The following NEXN variants were observed in gnomAD, a reference collection of about 807,000 sequenced individuals.
The protein encoded by NEXN is nexilin.
A neutral mutation model predicts 92.6 loss-of-function variants in NEXN; 65 were observed. The observed-to-expected ratio is 0.70, with a 90% CI of 0.57 to 0.86. The LOEUF (loss-of-function observed/expected upper bound fraction) is 0.86, where lower values mean the gene tolerates loss of function less well. NEXN is among the 40% of genes least tolerant of loss of function. NEXN has a pLI of 0.00. For missense variants in NEXN, 778 were observed against 771.1 expected, an observed-to-expected ratio of 1.01 and a Z score of -0.11; for synonymous variants, 254 against 242.5, an observed-to-expected ratio of 1.05 and a Z score of -0.44.
chr1:77,925,593 C>T (rs1223264336), intron 6 of NEXN, among the ~76,000 whole-genome samples: 1 of 152,140 alleles, frequency 6.6e-6, no homozygotes, highest in Non-Finnish European at 1.5e-5. Context: ...CTTCTTTCCT[C>T]AGAGTTCCTG....
chr1:77,912,455 G>A (rs1648664641), intron 1 of NEXN, among the ~76,000 whole-genome samples: 1 of 152,134 alleles, frequency 6.6e-6, no homozygotes, highest in Admixed American at 6.5e-5. Context: ...TGATTCTAAA[G>A]TTTATATGAA....
At chr1:77,917,050 G>A (rs1452479731) in intron 2 of NEXN, among the ~76,000 whole-genome samples, 1 of 152,168 alleles carries the variant, frequency 6.6e-6, no homozygotes, top group Admixed American at 6.6e-5. Flanking sequence ...AAGGACTAAA[G>A]GACTGGCCTT....
chr1:77,931,862 CCTGT>C (rs1650339997), intron 9 of NEXN: 1 of 152,136 alleles, frequency 6.6e-6, no homozygotes. Flanking sequence ...CTCTCATTCC[CCTGT>C]GTGTATTTCA....
Position 77,898,914 on chromosome 1 carries a change from T to A in NEXN, c.-53+10155T>A, listed in dbSNP as rs1405849057. On this transcript the variant is annotated intron_variant, in intron 1 of 12. Coordinates refer to ENST00000334785, the MANE Select transcript of NEXN (RefSeq NM_144573.4). ...CAAAAAACACATGAAAAAATGCTCA[T>A]CATCACTGGCCATCAGAGAAATGAA... Among the ~76,000 whole-genome samples, 15 of 152,242 alleles carry A rather than the reference T, an allele frequency of 9.9e-5. No homozygotes were observed. The East Asian group carries it at 2.7e-3, about 27-fold the overall frequency.
rs1182979644 is a variant in NEXN at position 77,929,421 on chromosome 1, G to T, written c.970G>T (p.Asp324Tyr). The change falls in exon 9 of 13, where the codon GAT (aspartate) becomes TAT (tyrosine). Residue 324 changes from aspartate (D) to tyrosine (Y), a missense_variant. Asp to Tyr is a radical substitution (Grantham distance 160). Transcript: ENST00000334785. ...AGAAATGGAAAGGCAAAGAAGAGAA[G>T]ATGAAAAAAGGAAAGCAGAAGAAGA... is the stretch of plus-strand genomic sequence containing the variant. ...FEEMERQRRE[D>Y]EKRKAEEEAR... 3 of 1,613,740 alleles carry T rather than the reference G, an allele frequency of 1.9e-6. No individual in the cohort carries two copies. The highest frequency in any genetic ancestry group is 1.7e-6 in the Non-Finnish European group (2 of 1,179,826).
In NEXN at chr1:77,942,574, A is replaced by G. The variant is rs727503345; in HGVS notation, c.1773A>G (p.Thr591=). The change falls in exon 13 of 13, where the codon ACA becomes ACG. Residue 591 remains threonine, a synonymous_variant. Coordinates refer to ENST00000334785, the MANE Select transcript of NEXN (RefSeq NM_144573.4). Reference sequence around the variant, plus strand: ...GGTTCAAGAAGCCTCTTAAAAACACATCAGTTGTAGACAGTGAGCCAGTCA... The same window carrying G: ...GGTTCAAGAAGCCTCTTAAAAACACGTCAGTTGTAGACAGTGAGCCAGTCA... ...APWFKKPLKN[T]SVVDSEPVRF... The G allele has an allele frequency of 1.2e-6, 2 of 1,613,834 alleles. No individual in the cohort carries two copies. The highest frequency in any genetic ancestry group is 1.7e-6 in the Non-Finnish European group (2 of 1,179,738).
chr1:77,924,663 T>C (rs895178404), intron 5 of NEXN, among the ~76,000 whole-genome samples: 1 of 28,716 alleles, frequency 3.5e-5, no homozygotes, highest in East Asian at 1.3e-3. Flanking sequence ...TTCTGTTTTT[T>C]TTTCTTTTTT....
intron 9 of NEXN, among the ~76,000 whole-genome samples, chr1:77,930,266 A>G (rs1163375236): frequency 1.3e-5 from 2 of 152,204 alleles, no homozygotes; most frequent in African/African-American, 4.8e-5. Flanking sequence ...CAAATCAGAA[A>G]CGTGGAAGCC....
In NEXN at chr1:77,925,501, C is replaced by T. The variant is rs554149807; in HGVS notation, c.489+272C>T. On this transcript the variant is annotated intron_variant, in intron 6 of 12. Coordinates refer to ENST00000334785, the MANE Select transcript of NEXN (RefSeq NM_144573.4). ...AGTTTGAGATACTCTGCCAAGACAA[C>T]GTATTTTTTGAACTGTTACTAACAG... Among the ~76,000 whole-genome samples the T allele has an allele frequency of 2.2e-4, 33 of 152,242 alleles. No individual in the cohort carries two copies. The South Asian group carries it at 5.4e-3, about 25-fold the overall frequency.
chr1:77,934,692 G>T (rs1452678650), intron 10 of NEXN, among the ~76,000 whole-genome samples: 2 of 152,202 alleles, frequency 1.3e-5, no homozygotes, highest in Non-Finnish European at 2.9e-5. Context: ...AGAAGAGAAA[G>T]GTAGAATGGG....
chr1:77,893,792 T>G (rs1051028473), intron 1 of NEXN, among the ~76,000 whole-genome samples: 2 of 152,036 alleles, frequency 1.3e-5, no homozygotes, highest in Admixed American at 1.3e-4. Flanking sequence ...CGGAAGGATA[T>G]CAAGGCAGGT....
chr1:77,918,307 G>C (rs746494394), intron 5 of NEXN, 34 bp downstream of exon 5: 1 of 1,607,252 alleles, frequency 6.2e-7, no homozygotes, highest in Non-Finnish European at 8.5e-7. Flanking sequence ...ATTTGTTTCT[G>C]AAACTAACTG....
intron 8 of NEXN, among the ~76,000 whole-genome samples, chr1:77,929,040 C>T (rs1287516439): frequency 2.6e-5 from 4 of 152,238 alleles, no homozygotes; most frequent in African/African-American, 7.2e-5. Context: ...GCCGCCACAA[C>T]ACCTGGCTAA....
At position 77,941,251 on chromosome 1, in the gene NEXN, CAA is replaced by C. The variant is rs976969207; in HGVS notation, c.1474-769_1474-768del. ...AGTTAGAAACCAAAAGTCAAGAAAC[CAA>C]AAGTCAACAACTGAAGTACTTTAGA... On this transcript the variant is annotated intron_variant, in intron 11 of 12. Coordinates refer to ENST00000334785, the MANE Select transcript of NEXN (RefSeq NM_144573.4). 1.8e-4 allele frequency among the ~76,000 whole-genome samples: 24 copies of C among 136,642 alleles called. 1 individual carries two copies. Among genetic ancestry groups the C allele is most frequent in the Admixed American group, 1.3e-3 (17 of 13,302 alleles). The allele number at this position is 136,642 out of a possible 152,430, so 89.6% of individuals were successfully genotyped here.
At chr1:77,898,358 A>G (rs1647405002) in intron 1 of NEXN, among the ~76,000 whole-genome samples, 1 of 152,200 alleles carries the variant, frequency 6.6e-6, no homozygotes, top group African/African-American at 2.4e-5. Context: ...ATAATGCCAC[A>G]TATCTACAAC....
intron 5 of NEXN, among the ~76,000 whole-genome samples, chr1:77,922,600 TC>T (rs1649513477): frequency 6.6e-6 from 1 of 150,408 alleles, no homozygotes; most frequent in African/African-American, 2.5e-5. Context: ...ACAAAATTAT[TC>T]TTTTTTTTTT....
intron 11 of NEXN, 158 bp from the exon 12 acceptor site, chr1:77,941,860 CCTGAA>C (rs1413528152): frequency 1.5e-5 from 10 of 646,006 alleles, no homozygotes; most frequent in Middle Eastern, 4.1e-4. Context: ...TATCACTTTT[CCTGAA>C]CTGGAGAGTT....
chr1:77,922,159 AG>A (rs1198932980), intron 5 of NEXN, among the ~76,000 whole-genome samples: 4 of 93,414 alleles, frequency 4.3e-5, no homozygotes, highest in Non-Finnish European at 6.3e-5. Flanking sequence ...TTTTTTTTTG[AG>A]ATGGAGTCTC....
chr1:77,898,242 G>A (rs1443146288), intron 1 of NEXN, among the ~76,000 whole-genome samples: 2 of 152,130 alleles, frequency 1.3e-5, no homozygotes, highest in Non-Finnish European at 2.9e-5. Flanking sequence ...GAGGCATCAC[G>A]CTACCTGACT....
Sources: allele counts gnomAD v4.1 joint callset (sites outside exome capture counted in the v4.1 genomes callset), GRCh38; gene constraint gnomAD v4.1.1; transcripts MANE v1.5; gene names NCBI Gene and HGNC (gene_info 2026-07-23, HGNC 2026-07-21).